Variants in DOK5 observed in about 807,000 individuals in gnomAD.
DOK5 encodes the protein downstream of tyrosine kinase 5.
In DOK5, 27 loss-of-function variants were observed where a neutral mutation model predicts 43.3. The observed-to-expected ratio is 0.62, with a 90% CI of 0.46 to 0.86. DOK5 has a LOEUF of 0.86. Among genes scored for constraint, DOK5 ranks in the 40% least tolerant of loss-of-function variants. The pLI, the probability that DOK5 is intolerant of heterozygous loss-of-function variation, is 0.00. For missense variants in DOK5, 373 were observed against 392.9 expected (o/e 0.95, Z 0.43); for synonymous variants, 146 against 140.1 (o/e 1.04, Z -0.30).
At chr20:54,487,683 A>T (rs2146664216) in intron 1 of DOK5, among the ~76,000 whole-genome samples, 1 of 152,318 alleles carries the variant, frequency 6.6e-6, no homozygotes, top group Middle Eastern at 3.4e-3. Context: ...TAACTTAAAA[A>T]TTAGGTGCTT....
chr20:54,607,931 T>C (rs896030435), intron 5 of DOK5, among the ~76,000 whole-genome samples: 4 of 148,984 alleles, frequency 2.7e-5, no homozygotes, highest in South Asian at 2.1e-4. Context: ...CAAAACAAAG[T>C]GGGCATTGGG....
intron 6 of DOK5, among the ~76,000 whole-genome samples, chr20:54,635,853 T>C (rs1446818478): frequency 2.6e-5 from 4 of 152,186 alleles, no homozygotes; most frequent in Non-Finnish European, 5.9e-5. Context: ...TTTGGGACAT[T>C]TTATGTAAAT....
chr20:54,581,811 T>C (rs1263399616), intron 2 of DOK5, among the ~76,000 whole-genome samples: 1 of 151,916 alleles, frequency 6.6e-6, no homozygotes, highest in Non-Finnish European at 1.5e-5. Flanking sequence ...TAGGGTTTTC[T>C]ACATATAAAA....
At chr20:54,558,855 A>G (rs1375450565) in intron 2 of DOK5, among the ~76,000 whole-genome samples, 1 of 152,228 alleles carries the variant, frequency 6.6e-6, no homozygotes, top group Non-Finnish European at 1.5e-5. Context: ...AGAAGTTTCA[A>G]CACAAGAAAA....
chr20:54,597,637 G>T (rs1600725715), intron 5 of DOK5, among the ~76,000 whole-genome samples: 1 of 152,220 alleles, frequency 6.6e-6, no homozygotes, highest in South Asian at 2.1e-4. Flanking sequence ...CTCACGCTCA[G>T]ATCTTTTACT....
intron 1 of DOK5, among the ~76,000 whole-genome samples, chr20:54,522,985 C>T (rs1156351352): frequency 6.6e-6 from 1 of 152,056 alleles, no homozygotes; most frequent in African/African-American, 2.4e-5. Context: ...GCCAAAATAC[C>T]TTGGCAAATG....
intron 6 of DOK5, among the ~76,000 whole-genome samples, chr20:54,618,114 T>A (rs1986869981): frequency 1.3e-5 from 2 of 152,158 alleles, no homozygotes; most frequent in South Asian, 4.2e-4. Flanking sequence ...ATATTCATGA[T>A]CCCTGACCTG....
chr20:54,582,784 CTA>C, intron 2 of DOK5, among the ~76,000 whole-genome samples: 1 of 151,996 alleles, frequency 6.6e-6, no homozygotes. Context: ...CTTAACCTAG[CTA>C]TTTGTCAGTT....
At chr20:54,564,177 A>C (rs1021449805) in intron 2 of DOK5, among the ~76,000 whole-genome samples, 1 of 152,306 alleles carries the variant, frequency 6.6e-6, no homozygotes, top group East Asian at 1.9e-4. Flanking sequence ...TAATCCCAGC[A>C]CTTTGGGAGG....
chr20:54,593,861 G>A (rs1034847663), intron 5 of DOK5, among the ~76,000 whole-genome samples: 7 of 152,170 alleles, frequency 4.6e-5, no homozygotes, highest in African/African-American at 1.7e-4. Flanking sequence ...GGATGGAGCT[G>A]GAGGCCTAAT....
At chr20:54,568,442 A>T (rs1400986785) in intron 2 of DOK5, among the ~76,000 whole-genome samples, 1 of 152,216 alleles carries the variant, frequency 6.6e-6, no homozygotes, top group African/African-American at 2.4e-5. Context: ...AAGTTGGTGA[A>T]AAGTTTGTCA....
intron 7 of DOK5, among the ~76,000 whole-genome samples, chr20:54,644,610 G>A (rs942668314): frequency 2.6e-5 from 4 of 151,734 alleles, no homozygotes; most frequent in Non-Finnish European, 5.9e-5. Context: ...GGAGGCTGAG[G>A]CAGGAGAATG....
At chr20:54,509,412 T>G (rs111813531) in intron 1 of DOK5, among the ~76,000 whole-genome samples, 4,460 of 152,214 alleles carry the variant, frequency 0.029, 187 homozygotes, top group African/African-American at 0.089. Context: ...CAGGTTGGTC[T>G]TGAACACCTT....
At chr20:54,626,246 C>T (rs530368174) in intron 6 of DOK5, among the ~76,000 whole-genome samples, 9 of 152,198 alleles carry the variant, frequency 5.9e-5, no homozygotes, top group African/African-American at 1.4e-4. Context: ...CAGAATTCAT[C>T]GAAAGGGGTG....
intron 4 of DOK5, among the ~76,000 whole-genome samples, chr20:54,591,392 G>C (rs1212749652): frequency 3.3e-5 from 5 of 152,186 alleles, no homozygotes; most frequent in Admixed American, 3.3e-4. Flanking sequence ...ATAGTGCTTA[G>C]TGTATGTTGA....
chr20:54,616,992 TTG>T (rs1301181123), intron 6 of DOK5, among the ~76,000 whole-genome samples: 2 of 151,700 alleles, frequency 1.3e-5, no homozygotes, highest in East Asian at 3.9e-4. Flanking sequence ...GGGTTTCACC[TTG>T]TTAGCCAGGA....
At chr20:54,513,139 G>T (rs1983066439) in intron 1 of DOK5, among the ~76,000 whole-genome samples, 1 of 152,122 alleles carries the variant, frequency 6.6e-6, no homozygotes, top group Admixed American at 6.6e-5. Context: ...TTGGCAACTT[G>T]TCTTTTGCCT....
chr20:54,595,731 A>G (rs1986120387), intron 5 of DOK5, among the ~76,000 whole-genome samples: 1 of 152,210 alleles, frequency 6.6e-6, no homozygotes, highest in African/African-American at 2.4e-5. Flanking sequence ...GGCTGGTGCA[A>G]ACTTGAGATT....
At chr20:54,596,621 T>C (rs1212299439) in intron 5 of DOK5, among the ~76,000 whole-genome samples, 1 of 152,204 alleles carries the variant, frequency 6.6e-6, no homozygotes, top group Non-Finnish European at 1.5e-5. Context: ...CTTTTTTTCA[T>C]TGCCACCTGT....
Sources: allele counts gnomAD v4.1 joint callset (sites outside exome capture counted in the v4.1 genomes callset), GRCh38; gene constraint gnomAD v4.1.1; transcripts MANE v1.5; gene names NCBI Gene and HGNC (gene_info 2026-07-23, HGNC 2026-07-21).